ALK: variants seen among roughly 807,000 people sequenced by gnomAD.
ALK encodes the protein ALK receptor tyrosine kinase.
A neutral mutation model predicts 163.1 loss-of-function variants in ALK; 74 were observed. The observed-to-expected ratio is 0.45, with a 90% CI of 0.38 to 0.55. The LOEUF (loss-of-function observed/expected upper bound fraction) is 0.55. Ranked by LOEUF, ALK falls within the 20% of genes least tolerant of loss-of-function variation. The pLI is 0.00. For missense variants in ALK, 2,063 were observed against 2,105.3 expected, an observed-to-expected ratio of 0.98 and a Z score of 0.39; for synonymous variants, 960 against 843.2, an observed-to-expected ratio of 1.14 and a Z score of -2.40.
rs553914681 is a variant in ALK, at chr2:29,633,772, G to A, written c.952+61078C>T. 1.1e-3 allele frequency among the ~76,000 whole-genome samples: 174 copies of A among 152,094 alleles called. 1 individual carries two copies. Among genetic ancestry groups the A allele is most frequent in the African/African-American group, 4.1e-3 (170 of 41,494 alleles). Reference sequence around the variant, plus strand: ...ATTCAACCATCAAAAGCGTAATAAGGGAATACTACAAACAATTCTACACGT... The same window carrying A: ...ATTCAACCATCAAAAGCGTAATAAGAGAATACTACAAACAATTCTACACGT... On this transcript the variant is annotated intron_variant, in intron 3 of 28. Coordinates refer to ENST00000389048, the MANE Select transcript of ALK (RefSeq NM_004304.5).
chr2:29,554,057 C>A (rs1394176028), intron 3 of ALK, among the ~76,000 whole-genome samples: 1 of 152,122 alleles, frequency 6.6e-6, no homozygotes, highest in Admixed American at 6.5e-5. Flanking sequence ...GCTATCAAAT[C>A]TTATATATGA....
At chr2:29,281,657 A>G (rs1665722210) in intron 9 of ALK, among the ~76,000 whole-genome samples, 1 of 152,212 alleles carries the variant, frequency 6.6e-6, no homozygotes, top group Admixed American at 6.5e-5. Flanking sequence ...TTGCATAAAG[A>G]ATGCATTCGC....
intron 1 of ALK, among the ~76,000 whole-genome samples, chr2:29,730,085 G>A (rs1378927223): frequency 6.6e-6 from 1 of 152,234 alleles, no homozygotes; most frequent in African/African-American, 2.4e-5. Flanking sequence ...CACAGATGCT[G>A]AAATTATGGC....
At chr2:29,876,401 GGTGGTGATGGTGATGTGGT>G (rs1170341091) in intron 1 of ALK, among the ~76,000 whole-genome samples, 1 of 151,684 alleles carries the variant, frequency 6.6e-6, no homozygotes, top group Non-Finnish European at 1.5e-5. Context: ...TGGTGATGAT[GGTGGTGATGGTGATGTGGT>G]GTGGTGATGG....
chr2:29,416,802 T>G (rs1669889654), intron 4 of ALK, among the ~76,000 whole-genome samples: 1 of 152,130 alleles, frequency 6.6e-6, no homozygotes, highest in South Asian at 2.1e-4. Context: ...TTGTGCTGAT[T>G]ACTTAACCAA....
At chr2:29,897,496 T>C (rs893785667) in intron 1 of ALK, among the ~76,000 whole-genome samples, 1 of 151,792 alleles carries the variant, frequency 6.6e-6, no homozygotes, top group African/African-American at 2.4e-5. Flanking sequence ...ACCAGGGACA[T>C]CAGAGTGGGA....
intron 4 of ALK, among the ~76,000 whole-genome samples, chr2:29,399,873 T>C (rs2148314257): frequency 6.6e-6 from 1 of 152,300 alleles, no homozygotes; most frequent in African/African-American, 2.4e-5. Context: ...TCTTCCCATT[T>C]TACAGATGAG....
chr2:29,748,526 G>A (rs948064970), intron 1 of ALK, among the ~76,000 whole-genome samples: 1 of 152,114 alleles, frequency 6.6e-6, no homozygotes, highest in Non-Finnish European at 1.5e-5. Context: ...CATGCCGCTG[G>A]TCAAACACTA....
chr2:29,294,134 G>A (rs1469593175), intron 9 of ALK, among the ~76,000 whole-genome samples: 1 of 152,202 alleles, frequency 6.6e-6, no homozygotes, highest in African/African-American at 2.4e-5. Context: ...GAGGAAGAGA[G>A]TTGGTTTTTC....
At chr2:29,200,338 G>A (rs990672743) in intron 26 of ALK, among the ~76,000 whole-genome samples, 1 of 152,120 alleles carries the variant, frequency 6.6e-6, no homozygotes. Flanking sequence ...TAATAGAACT[G>A]CACATGAATA....
chr2:29,368,937 A>T (rs1668575979), intron 5 of ALK, among the ~76,000 whole-genome samples: 1 of 152,236 alleles, frequency 6.6e-6, no homozygotes, highest in East Asian at 1.9e-4. Context: ...CTAGGAAAAG[A>T]CAAGGGCAAA....
chr2:29,624,145 CCT>C (rs952609310), intron 3 of ALK, among the ~76,000 whole-genome samples: 6 of 152,342 alleles, frequency 3.9e-5, no homozygotes, highest in South Asian at 4.1e-4. Context: ...TGATGCCTTT[CCT>C]TTGCTCAAAC....
intron 1 of ALK, among the ~76,000 whole-genome samples, chr2:29,912,202 G>T (rs1191342486): frequency 6.6e-6 from 1 of 152,014 alleles, no homozygotes; most frequent in Non-Finnish European, 1.5e-5. Context: ...AATAATAATT[G>T]AAAAATCCCA....
At chr2:29,197,729 TCACA>T (rs138054421) in intron 26 of ALK, 53 bp from the exon 27 acceptor site, 7 of 1,359,010 alleles carry the variant, frequency 5.2e-6, no homozygotes, top group South Asian at 1.2e-5. Context: ...CCACCCACAT[TCACA>T]CACACACACA....
chr2:29,276,450 T>C (rs1665549554), intron 9 of ALK, among the ~76,000 whole-genome samples: 2 of 152,198 alleles, frequency 1.3e-5, no homozygotes, highest in South Asian at 4.1e-4. Context: ...CAGCTGGCCC[T>C]TTCCTGCTCT....
At chr2:29,569,903 T>C (rs1674307729) in intron 3 of ALK, among the ~76,000 whole-genome samples, 4 of 152,160 alleles carry the variant, frequency 2.6e-5, no homozygotes, top group Admixed American at 2.6e-4. Flanking sequence ...AGCTTGCTGA[T>C]CACAGAGCCT....
intron 3 of ALK, among the ~76,000 whole-genome samples, chr2:29,574,252 C>T (rs1409244312): frequency 2.6e-5 from 4 of 152,194 alleles, no homozygotes; most frequent in Non-Finnish European, 5.9e-5. Context: ...TCTCCCTAAG[C>T]CTGGGCTTCT....
intron 1 of ALK, among the ~76,000 whole-genome samples, chr2:29,854,281 G>T (rs1208241044): frequency 6.6e-6 from 1 of 152,166 alleles, no homozygotes; most frequent in South Asian, 2.1e-4. Flanking sequence ...CAAATCTCAT[G>T]TTGAAATGTG....
At chr2:29,239,655 A>G in intron 13 of ALK, 25 bp downstream of exon 13, 1 of 1,613,082 alleles carries the variant, frequency 6.2e-7, no homozygotes. Context: ...AGTGCAGACG[A>G]GAAACCCCTG....
Sources: allele counts gnomAD v4.1 joint callset (sites outside exome capture counted in the v4.1 genomes callset), GRCh38; gene constraint gnomAD v4.1.1; transcripts MANE v1.5; gene names NCBI Gene and HGNC (gene_info 2026-07-23, HGNC 2026-07-21).